The following MACROD2 variants were observed in gnomAD, a reference collection of about 807,000 sequenced individuals.
MACROD2 encodes the protein mono-ADP ribosylhydrolase 2, also known as ADP-ribose glycohydrolase MACROD2.
Under a neutral mutation model 70.4 loss-of-function variants are expected in MACROD2, and 36 were observed. The observed-to-expected ratio is 0.51, with a 90% confidence interval of 0.39 to 0.68. MACROD2 has a LOEUF of 0.68. MACROD2 is among the 30% of genes least tolerant of loss of function. The pLI, the probability that MACROD2 is intolerant of heterozygous loss-of-function variation, is 0.00. For missense variants in MACROD2, 496 were observed against 538.4 expected (o/e 0.92, Z 0.78); for synonymous variants, 172 against 178.8 (o/e 0.96, Z 0.30).
At chr20:15,499,078 T>A (rs984969561) in intron 7 of MACROD2, among the ~76,000 whole-genome samples, 6 of 152,236 alleles carry the variant, frequency 3.9e-5, no homozygotes, top group African/African-American at 1.4e-4. Context: ...GGTCCAGGAA[T>A]GTGTTTGGTT....
intron 5 of MACROD2, among the ~76,000 whole-genome samples, chr20:14,918,949 A>G (rs550497928): frequency 1.3e-5 from 2 of 151,892 alleles, no homozygotes; most frequent in African/African-American, 4.8e-5. Flanking sequence ...CTCTCCCCCA[A>G]CCCCCTGAGA....
chr20:14,393,869 G>A (rs2083553215), intron 3 of MACROD2, among the ~76,000 whole-genome samples: 1 of 152,156 alleles, frequency 6.6e-6, no homozygotes, highest in African/African-American at 2.4e-5. Context: ...GGAGCCCTAT[G>A]TTAGGATTAC....
intron 8 of MACROD2, among the ~76,000 whole-genome samples, chr20:15,597,289 G>T (rs1010255227): frequency 6.6e-6 from 1 of 152,190 alleles, no homozygotes; most frequent in African/African-American, 2.4e-5. Flanking sequence ...GGCCTGAGGC[G>T]TGTCTCCACA....
Position 16,031,691 on chromosome 20 carries a change from T to C in MACROD2, c.1154-9510T>C, listed in dbSNP as rs117260183. 6.4e-4 allele frequency among the ~76,000 whole-genome samples: 97 copies of C among 152,286 alleles called. 1 individual carries two copies. The highest frequency in any genetic ancestry group is 1.1e-3 in the Non-Finnish European group (77 of 68,010). On this transcript the variant is annotated intron_variant, in intron 15 of 17. Coordinates refer to ENST00000684519, the MANE Select transcript of MACROD2 (RefSeq NM_001351661.2). ...ATATATAGTAAATGCATATATTGAA[T>C]AGGCACTAAAATCAATGCACATATT...
At chr20:15,545,563 T>C (rs1010729218) in intron 8 of MACROD2, among the ~76,000 whole-genome samples, 2 of 152,164 alleles carry the variant, frequency 1.3e-5, no homozygotes, top group Non-Finnish European at 2.9e-5. Flanking sequence ...ACCTTTAAAA[T>C]TCCTAATTTT....
intron 5 of MACROD2, among the ~76,000 whole-genome samples, chr20:15,206,257 A>C (rs769796347): frequency 1.3e-5 from 2 of 152,228 alleles, no homozygotes; most frequent in Non-Finnish European, 2.9e-5. Context: ...TTGCTGTACC[A>C]TAAGTAATTT....
At chr20:14,120,719 A>G (rs1230462489) in intron 3 of MACROD2, among the ~76,000 whole-genome samples, 1 of 151,474 alleles carries the variant, frequency 6.6e-6, no homozygotes, top group African/African-American at 2.4e-5. Context: ...ATGAAATCAG[A>G]ACACCATGGA....
chr20:15,093,940 A>G (rs183026053), intron 5 of MACROD2, among the ~76,000 whole-genome samples: 1 of 152,318 alleles, frequency 6.6e-6, no homozygotes, highest in East Asian at 1.9e-4. Context: ...CCCTCTGTCA[A>G]CAGCCACCAA....
At chr20:15,858,253 T>A (rs553834801) in intron 8 of MACROD2, among the ~76,000 whole-genome samples, 7 of 150,864 alleles carry the variant, frequency 4.6e-5, no homozygotes, top group African/African-American at 1.7e-4. Context: ...CAAGAACCAC[T>A]ATTTCACAAA....
At position 14,918,071 on chromosome 20, in the gene MACROD2, T is replaced by G. The variant is rs751260524; in HGVS notation, c.418+233112T>G. 7.2e-5 allele frequency among the ~76,000 whole-genome samples: 11 copies of G among 152,070 alleles called. 1 individual carries two copies. The highest frequency in any genetic ancestry group is 1.6e-4 in the Non-Finnish European group (11 of 67,996). On this transcript the variant is annotated intron_variant, in intron 5 of 17. Transcript: ENST00000684519. ...CACTTTAGCCTCGACCACCCCAGGT[T>G]CAGGTGATCCTCCCATCTCAGCCTC...
chr20:15,079,929 G>T (rs563896199), intron 5 of MACROD2, among the ~76,000 whole-genome samples: 1 of 152,054 alleles, frequency 6.6e-6, no homozygotes, highest in South Asian at 2.1e-4. Flanking sequence ...TTTCCCCAGA[G>T]AAAATAGAAG....
intron 15 of MACROD2, among the ~76,000 whole-genome samples, chr20:15,996,069 GTGGAATCT>G (rs2066627788): frequency 6.6e-6 from 1 of 152,034 alleles, no homozygotes; most frequent in Non-Finnish European, 1.5e-5. Flanking sequence ...TTAATTTTTT[GTGGAATCT>G]CATACTATTT....
chr20:14,984,647 T>C (rs1402760543), intron 5 of MACROD2, among the ~76,000 whole-genome samples: 1 of 152,116 alleles, frequency 6.6e-6, no homozygotes, highest in African/African-American at 2.4e-5. Context: ...ACAGGTCTGA[T>C]GGATTTGAAG....
At chr20:14,064,518 G>A (rs540577104) in intron 2 of MACROD2, among the ~76,000 whole-genome samples, 3 of 152,212 alleles carry the variant, frequency 2.0e-5, no homozygotes, top group African/African-American at 7.2e-5. Context: ...CAGAAACCAG[G>A]AAGTCAACCT....
intron 3 of MACROD2, among the ~76,000 whole-genome samples, chr20:14,249,836 A>G (rs779123101): frequency 2.0e-5 from 3 of 152,186 alleles, no homozygotes; most frequent in African/African-American, 4.8e-5. Flanking sequence ...GGCACGTTGT[A>G]TATAATACAA....
intron 4 of MACROD2, among the ~76,000 whole-genome samples, chr20:14,522,052 G>A (rs2085174267): frequency 1.3e-5 from 2 of 152,164 alleles, no homozygotes; most frequent in South Asian, 4.2e-4. Context: ...CCGCTGTGAT[G>A]AGAGGACAGG....
chr20:14,256,732 C>G (rs552176949), intron 3 of MACROD2, among the ~76,000 whole-genome samples: 1 of 152,212 alleles, frequency 6.6e-6, no homozygotes, highest in Non-Finnish European at 1.5e-5. Context: ...TCATTTTTAT[C>G]CCGTTTAAGC....
chr20:15,638,509 T>TA (rs1338412486), intron 8 of MACROD2, among the ~76,000 whole-genome samples: 1 of 152,152 alleles, frequency 6.6e-6, no homozygotes, highest in East Asian at 1.9e-4. Flanking sequence ...TGCAAGTCAT[T>TA]AGACAAGACC....
chr20:14,475,591 C>T (rs1160653414), intron 3 of MACROD2, among the ~76,000 whole-genome samples: 2 of 151,548 alleles, frequency 1.3e-5, no homozygotes, highest in African/African-American at 4.9e-5. Flanking sequence ...AAGAACAGGT[C>T]TGATAGCAAT....
Sources: allele counts gnomAD v4.1 joint callset (sites outside exome capture counted in the v4.1 genomes callset), GRCh38; gene constraint gnomAD v4.1.1; transcripts MANE v1.5; gene names NCBI Gene and HGNC (gene_info 2026-07-23, HGNC 2026-07-21).